ABL1: variants seen among roughly 807,000 people sequenced by gnomAD.
ABL1 encodes ABL proto-oncogene 1, non-receptor tyrosine kinase.
A neutral mutation model predicts 94.7 loss-of-function variants in ABL1; 11 were observed. The observed-to-expected ratio is 0.12, with a 90% confidence interval of 0.07 to 0.19. ABL1 has a LOEUF of 0.19. Ranked by LOEUF, ABL1 falls within the 10% of genes least tolerant of loss-of-function variation. The pLI is 1.00. For synonymous variants in ABL1, 656 were observed against 622.4 expected, an observed-to-expected ratio of 1.05 and a Z score of -0.80; for missense variants, 1,082 against 1,489.4, an observed-to-expected ratio of 0.73 and a Z score of 4.50.
rs1464354201 is a variant in ABL1 at position 130,835,946 on chromosome 9, C to G, written c.79+421C>G. Among the ~76,000 whole-genome samples, 1 of 152,196 alleles carries G rather than the reference C, an allele frequency of 6.6e-6. No individual in the cohort carries two copies. The highest frequency in any genetic ancestry group is 1.5e-5 in the Non-Finnish European group (1 of 68,036). On this transcript the variant is annotated intron_variant, in intron 1 of 10. Coordinates refer to ENST00000318560, the MANE Select transcript of ABL1 (RefSeq NM_005157.6). This position sits in a 1 kb window ranked among gnomAD's most constrained non-coding sequence, Gnocchi z 4.6. ...CGCCAGGCCTTAACATCCCTGGGAT[C>G]CCACGTTGTGGAATTTCCACCGTTA... is the stretch of plus-strand genomic sequence containing the variant.
At chr9:130,747,952 T>C (rs1301284744) in intron 1 of ABL1, among the ~76,000 whole-genome samples, 3 of 152,212 alleles carry the variant, frequency 2.0e-5, no homozygotes, top group African/African-American at 7.2e-5. Context: ...TTAGTATGTG[T>C]TTAATTTCAT....
At chr9:130,805,929 A>G (rs1355750753) in intron 1 of ABL1, among the ~76,000 whole-genome samples, 2 of 152,168 alleles carry the variant, frequency 1.3e-5, no homozygotes, top group African/African-American at 4.8e-5. Context: ...TGTGTTTTAA[A>G]TGAATAATCT....
intron 1 of ABL1, among the ~76,000 whole-genome samples, chr9:130,755,923 G>A (rs887207602): frequency 1.3e-5 from 2 of 152,162 alleles, no homozygotes; most frequent in African/African-American, 4.8e-5. Context: ...AAGGGCTTCC[G>A]TGTGCAGCAG....
chr9:130,864,844 T>C (rs957973415), intron 4 of ABL1, among the ~76,000 whole-genome samples: 1 of 152,192 alleles, frequency 6.6e-6, no homozygotes, highest in African/African-American at 2.4e-5. Context: ...GAGAATGGCC[T>C]AGATTTCAGC....
chr9:130,741,265 CGAGGGA>C (rs558558578), intron 1 of ABL1, among the ~76,000 whole-genome samples: 7 of 151,750 alleles, frequency 4.6e-5, no homozygotes, highest in Middle Eastern at 3.2e-3. Context: ...GACCCATGGT[CGAGGGA>C]GAGGAGCAGG....
chr9:130,754,439 C>T (rs1473521933), intron 1 of ABL1, among the ~76,000 whole-genome samples: 17 of 136,960 alleles, frequency 1.2e-4, no homozygotes, highest in Non-Finnish European at 9.0e-5. Flanking sequence ...ACCTGGGAGG[C>T]GGAGCTTGCA....
intron 1 of ABL1, among the ~76,000 whole-genome samples, chr9:130,769,623 G>A (rs940680697): frequency 3.9e-5 from 6 of 152,058 alleles, no homozygotes; most frequent in African/African-American, 1.4e-4. Context: ...ACAGGTGTGA[G>A]CCACCGTCCC....
chr9:130,750,393 TTCCCTTCCTCCCTCCC>T (rs1564278733), intron 1 of ABL1, among the ~76,000 whole-genome samples: 2 of 116,274 alleles, frequency 1.7e-5, no homozygotes, highest in African/African-American at 3.1e-5. Context: ...CCTTCCCTCC[TTCCCTTCCTCCCTCCC>T]TCCCTCCCTC....
At chr9:130,802,507 T>G (rs1286287752) in intron 1 of ABL1, among the ~76,000 whole-genome samples, 1 of 152,246 alleles carries the variant, frequency 6.6e-6, no homozygotes, top group Admixed American at 6.5e-5. Flanking sequence ...GTGAATTTTT[T>G]ATTTCAAAAA....
intron 1 of ABL1, chr9:130,724,764 A>AAT (rs950021026): frequency 4.1e-5 from 19 of 465,310 alleles, no homozygotes; most frequent in African/African-American, 3.7e-4. Flanking sequence ...AAAAAAAAAA[A>AAT]AAAAAAGCAA....
chr9:130,859,939 A>G (rs1010319426), intron 3 of ABL1, among the ~76,000 whole-genome samples: 4 of 151,992 alleles, frequency 2.6e-5, no homozygotes, highest in Admixed American at 6.6e-5. Context: ...TTGGCCTCCC[A>G]AAGTGCTGGG....
chr9:130,733,748 G>T (rs1346445998), intron 1 of ABL1, among the ~76,000 whole-genome samples: 1 of 151,582 alleles, frequency 6.6e-6, no homozygotes, highest in Non-Finnish European at 1.5e-5. Flanking sequence ...CTGCCACCAC[G>T]CCCGGCTAAC....
chr9:130,789,304 A>G (rs773857848), intron 1 of ABL1, among the ~76,000 whole-genome samples: 1 of 152,230 alleles, frequency 6.6e-6, no homozygotes, highest in Non-Finnish European at 1.5e-5. Context: ...AAAAAATCAC[A>G]TGAGAACTTG....
chr9:130,830,996 A>G (rs1830488987), upstream of ABL1, among the ~76,000 whole-genome samples: 2 of 152,310 alleles, frequency 1.3e-5, no homozygotes, highest in African/African-American at 4.8e-5. Flanking sequence ...AACTGGTATG[A>G]CAGAAGTGAT....
intron 3 of ABL1, among the ~76,000 whole-genome samples, chr9:130,856,155 C>T (rs1478207533): frequency 2.0e-5 from 3 of 152,172 alleles, no homozygotes; most frequent in Admixed American, 6.5e-5. Context: ...ATGGTGCGTT[C>T]TCGGCTTACT....
chr9:130,781,963 C>T (rs1829762028), intron 1 of ABL1, among the ~76,000 whole-genome samples: 1 of 152,184 alleles, frequency 6.6e-6, no homozygotes, highest in African/African-American at 2.4e-5. Context: ...GTATATACAT[C>T]ACATTCACAC....
intron 4 of ABL1, among the ~76,000 whole-genome samples, chr9:130,871,245 T>G (rs575030013): frequency 1.3e-5 from 2 of 152,342 alleles, no homozygotes; most frequent in South Asian, 4.1e-4. Context: ...CAGTAGCATT[T>G]TTTAAGTCAA....
At position 130,884,365 on chromosome 9, in the gene ABL1, C is replaced by G. The variant is rs1332380683; in HGVS notation, c.2075C>G (p.Thr692Arg). Residue 692 changes from threonine (T) to arginine (R), a missense_variant, in exon 11 of 11, where the codon ACG becomes AGG. By Grantham distance (71) the Thr-to-Arg change is moderately conservative (BLOSUM62 -1). Coordinates refer to ENST00000318560, the MANE Select transcript of ABL1 (RefSeq NM_005157.6). The surrounding 1 kb of genome is among the most constrained non-coding windows in gnomAD (Gnocchi z 5.6). ...RSPHLWKKSSTLTSSRLATGE... is the reference protein window; with the variant it reads ...RSPHLWKKSSRLTSSRLATGE... ...CCCCACCTGTGGAAGAAGTCCAGCA[C>G]GCTGACCAGCAGCCGCCTAGCCACC... is the stretch of plus-strand genomic sequence containing the variant. 6.2e-7 allele frequency: 1 copy of G among 1,611,952 alleles called. No individual in the cohort carries two copies. Among genetic ancestry groups the G allele is most frequent in the Non-Finnish European group, 8.5e-7 (1 of 1,179,790 alleles).
In ABL1 at chr9:130,886,214, G is replaced by T. The variant is rs1423924777; in HGVS notation, c.*531G>T. ...AAGAACCGCATTTCGGGAAGGGCAT[G>T]CACGGGCATGCACACGGCTGGTCAC... On this transcript the variant is annotated 3_prime_UTR_variant, in exon 11 of 11. Coordinates refer to ENST00000318560, the MANE Select transcript of ABL1 (RefSeq NM_005157.6). 4.2e-6 allele frequency: 1 copy of T among 239,440 alleles called. No homozygotes were observed. Among genetic ancestry groups the T allele is most frequent in the East Asian group, 6.0e-5 (1 of 16,724 alleles). The allele number at this position is 239,440 out of a possible 1,614,324, so 14.8% of individuals were successfully genotyped here.
Sources: allele counts gnomAD v4.1 joint callset (sites outside exome capture counted in the v4.1 genomes callset), GRCh38; gene constraint gnomAD v4.1.1; non-coding constraint Gnocchi (gnomAD v3.1); transcripts MANE v1.5; gene names NCBI Gene and HGNC (gene_info 2026-07-23, HGNC 2026-07-21).